Variants in CRTAM observed in about 807,000 individuals in gnomAD.
The protein encoded by CRTAM is cytotoxic and regulatory T-cell molecule.
CRTAM carries 44 observed loss-of-function variants against 50.0 expected under a neutral mutation model. The ratio of observed to expected loss-of-function variants is 0.88; its 90% CI spans 0.69 to 1.13. The LOEUF (loss-of-function observed/expected upper bound fraction) is 1.13, where lower values mean the gene tolerates loss of function less well. Ranked by LOEUF, CRTAM falls within the 50% of genes most tolerant of loss-of-function variation. The pLI, the probability that CRTAM is intolerant of heterozygous loss-of-function variation, is 0.00. For missense variants in CRTAM, 448 were observed against 457.5 expected (o/e 0.98, Z 0.19); for synonymous variants, 159 against 169.3 (o/e 0.94, Z 0.47).
chr11:122,864,396 T>G (rs1862140446), intron 6 of CRTAM, among the ~76,000 whole-genome samples: 1 of 152,166 alleles, frequency 6.6e-6, no homozygotes, highest in Non-Finnish European at 1.5e-5. Flanking sequence ...TACCAAGTGC[T>G]CAGTTCAAGG....
rs567415533 is a variant in CRTAM, at chr11:122,855,948, C to T, written c.652+92C>T. The T allele has an allele frequency of 1.2e-5, 12 of 1,031,722 alleles. No individual in the cohort carries two copies. The Admixed American group carries it at 1.7e-4, about 15-fold the overall frequency. 63.9% of individuals were successfully genotyped at this position (1,031,722 alleles called of 1,614,324 possible). ...ATTAAATGCAGTGGGCAGAGTCCTT[C>T]AGATTAAGATTACTGCCAACAAAGC... is the stretch of plus-strand genomic sequence containing the variant. On this transcript the variant is annotated intron_variant, in intron 5 of 9. Transcript: ENST00000227348.
intron 5 of CRTAM, among the ~76,000 whole-genome samples, chr11:122,860,752 G>A (rs1342436509): frequency 1.3e-5 from 2 of 152,086 alleles, no homozygotes; most frequent in African/African-American, 4.8e-5. Context: ...CACCCAGGCT[G>A]GAGCGCAATG....
At chr11:122,849,539 T>C (rs538473886) in intron 1 of CRTAM, among the ~76,000 whole-genome samples, 46 of 152,178 alleles carry the variant, frequency 3.0e-4, no homozygotes, top group Non-Finnish European at 3.1e-4. Context: ...CTGGCCAACA[T>C]AGTAAAACCA....
At chr11:122,854,534 G>T (rs762692210) in intron 4 of CRTAM, among the ~76,000 whole-genome samples, 6 of 151,770 alleles carry the variant, frequency 4.0e-5, no homozygotes, top group African/African-American at 1.5e-4. Context: ...GCTGGGTTTG[G>T]TGGTGCATGC....
At chr11:122,870,005 C>A (rs191594941) in intron 9 of CRTAM, among the ~76,000 whole-genome samples, 1 of 152,110 alleles carries the variant, frequency 6.6e-6, no homozygotes, top group African/African-American at 2.4e-5. Context: ...CAAGAAGAAC[C>A]AAAACAGTGG....
At chr11:122,871,203 G>A (rs1203933869) in intron 9 of CRTAM, 66 bp from the exon 10 acceptor site, 7 of 1,438,436 alleles carry the variant, frequency 4.9e-6, no homozygotes, top group South Asian at 1.4e-5. Flanking sequence ...CAATCAAAGT[G>A]TTTCAAGTAA....
intron 4 of CRTAM, among the ~76,000 whole-genome samples, 194 bp downstream of exon 4, chr11:122,854,280 T>C (rs1045636669): frequency 6.6e-6 from 1 of 152,218 alleles, no homozygotes; most frequent in Non-Finnish European, 1.5e-5. Flanking sequence ...ATCATAGATA[T>C]TGAAAATGTT....
rs535994076 is a variant in CRTAM at position 122,868,001 on chromosome 11, C to CT, written c.965-5dup. ...CATCAGAAATTAGTTGCTTGATTTTCTTTTTTTGTAGAAAACGAAGTTTCA... is the reference window on the plus strand; with the variant it reads ...CATCAGAAATTAGTTGCTTGATTTTCTTTTTTTTGTAGAAAACGAAGTTTCA... On this transcript the variant is annotated splice_polypyrimidine_tract_variant and intron_variant, in intron 8 of 9. Coordinates refer to ENST00000227348, the MANE Select transcript of CRTAM (RefSeq NM_019604.4). 170 of 1,554,130 alleles carry CT rather than the reference C, an allele frequency of 1.1e-4. 1 individual carries two copies. The African/African-American group carries it at 2.1e-3, about 19-fold the overall frequency.
At chr11:122,857,718 T>G (rs946669072) in intron 5 of CRTAM, among the ~76,000 whole-genome samples, 4 of 152,146 alleles carry the variant, frequency 2.6e-5, no homozygotes, top group African/African-American at 9.7e-5. Context: ...CATTTACACA[T>G]AAGGGTTCTG....
chr11:122,866,420 T>G lies in CRTAM; in HGVS notation c.818-989T>G, dbSNP rs533883389. Among the ~76,000 whole-genome samples, 80 of 152,254 alleles carry G rather than the reference T, an allele frequency of 5.3e-4. 1 individual carries two copies. The highest frequency in any genetic ancestry group is 5.2e-3 in the Admixed American group (79 of 15,296). On this transcript the variant is annotated intron_variant, in intron 7 of 9. Transcript: ENST00000227348. ...TTTGACATATCTTACTTTTGTTTGT[T>G]TTTATTAATTTGTTTATATATAGAG...
At chr11:122,867,584 T>A in intron 8 of CRTAM, 29 bp downstream of exon 8, 3 of 1,600,292 alleles carry the variant, frequency 1.9e-6, no homozygotes, top group Non-Finnish European at 2.6e-6. Flanking sequence ...TGACGGGGGC[T>A]ATAAGACGCC....
intron 5 of CRTAM, among the ~76,000 whole-genome samples, chr11:122,858,779 C>T (rs952135396): frequency 3.9e-5 from 6 of 152,112 alleles, no homozygotes; most frequent in East Asian, 3.8e-4. Flanking sequence ...CCTCCCTCAT[C>T]GGCCACCCAA....
intron 1 of CRTAM, among the ~76,000 whole-genome samples, chr11:122,844,033 G>A (rs1003225631): frequency 1.3e-5 from 2 of 152,142 alleles, no homozygotes; most frequent in Admixed American, 1.3e-4. Flanking sequence ...AAAGAGTAAA[G>A]GAAACAACGA....
At chr11:122,864,870 T>A in intron 7 of CRTAM, 151 bp downstream of exon 7, 1 of 612,010 alleles carries the variant, frequency 1.6e-6, no homozygotes, top group South Asian at 2.1e-5. Flanking sequence ...CTCCTTGATT[T>A]AGTTACCTCT....
Position 122,849,792 on chromosome 11 carries a change from G to A in CRTAM, c.47-276G>A, listed in dbSNP as rs1051397871. 1.8e-4 allele frequency among the ~76,000 whole-genome samples: 28 copies of A among 151,884 alleles called. 1 individual carries two copies. The highest frequency in any genetic ancestry group is 4.8e-5 in the African/African-American group (2 of 41,346). ...GTTCCTGGCATATGGCAGAGCAATC[G>A]CCCAAAACCTGTTGAACTGTAGTTT... On this transcript the variant is annotated intron_variant, in intron 1 of 9. Coordinates refer to ENST00000227348, the MANE Select transcript of CRTAM (RefSeq NM_019604.4).
intron 5 of CRTAM, chr11:122,862,189 A>C (rs1311657331): frequency 2.3e-6 from 1 of 441,258 alleles, no homozygotes; most frequent in East Asian, 3.5e-5. Flanking sequence ...ATAGAAGGAC[A>C]CAGATAGAAA....
chr11:122,859,461 A>C (rs1187296725), intron 5 of CRTAM, among the ~76,000 whole-genome samples: 2 of 152,220 alleles, frequency 1.3e-5, no homozygotes, highest in African/African-American at 4.8e-5. Context: ...TAACACTGAA[A>C]AGATTAGTGT....
intron 5 of CRTAM, among the ~76,000 whole-genome samples, chr11:122,861,907 C>T (rs1192122687): frequency 6.6e-6 from 1 of 152,108 alleles, no homozygotes; most frequent in Non-Finnish European, 1.5e-5. Context: ...TAGCACTGTG[C>T]TTCATAAATA....
intron 1 of CRTAM, among the ~76,000 whole-genome samples, chr11:122,840,228 A>T (rs1278502466): frequency 6.6e-6 from 1 of 152,212 alleles, no homozygotes; most frequent in Non-Finnish European, 1.5e-5. Context: ...TTTCATGCAC[A>T]GTGCTGAGTA....
Sources: allele counts gnomAD v4.1 joint callset (sites outside exome capture counted in the v4.1 genomes callset), GRCh38; gene constraint gnomAD v4.1.1; transcripts MANE v1.5; gene names NCBI Gene and HGNC (gene_info 2026-07-23, HGNC 2026-07-21).